Variants in EPHB4 observed in about 807,000 individuals in gnomAD.
EPHB4 encodes ephrin type-B receptor 4.
Under a neutral mutation model 110.6 loss-of-function variants are expected in EPHB4, and 50 were observed. The observed-to-expected ratio is 0.45, with a 90% CI of 0.36 to 0.57. The LOEUF (loss-of-function observed/expected upper bound fraction) is 0.57, where lower values mean the gene tolerates loss of function less well. Among genes scored for constraint, EPHB4 ranks in the 20% least tolerant of loss-of-function variants. The pLI is 0.00. For synonymous variants in EPHB4, 592 were observed against 578.4 expected (o/e 1.02, Z -0.34); for missense variants, 1,128 against 1,382.1 (o/e 0.82, Z 2.91).
At position 100,826,313 on chromosome 7, in the gene EPHB4, G is replaced by A. The variant is rs1813394840; in HGVS notation, c.52+666C>T. On this transcript the variant is annotated intron_variant, in intron 1 of 16. Coordinates refer to ENST00000358173, the MANE Select transcript of EPHB4 (RefSeq NM_004444.5). ...GGGCTGTGTAGGTCAGTTTCTACCC[G>A]CTCCTAGGTCTCAAGGGAAGCCCGG... Among the ~76,000 whole-genome samples the A allele has an allele frequency of 2.0e-5, 3 of 151,984 alleles. No individual in the cohort carries two copies. In the South Asian group the frequency reaches 6.2e-4, roughly 32 times the overall value.
At chr7:100,803,780 G>A (rs933805034) in intron 16 of EPHB4, among the ~76,000 whole-genome samples, 190 bp from the exon 17 acceptor site, 1 of 152,178 alleles carries the variant, frequency 6.6e-6, no homozygotes. Flanking sequence ...CTGTGCAACC[G>A]CAGAAGGGGG....
At chr7:100,819,158 G>A (rs1813156365) in intron 6 of EPHB4, among the ~76,000 whole-genome samples, 1 of 152,092 alleles carries the variant, frequency 6.6e-6, no homozygotes, top group Non-Finnish European at 1.5e-5. Context: ...TGTCACCCAG[G>A]CTGGCATGCA....
intron 1 of EPHB4, 21 bp downstream of exon 1, chr7:100,826,958 C>G (rs779262095): frequency 1.3e-6 from 2 of 1,539,816 alleles, no homozygotes; most frequent in Middle Eastern, 1.7e-4. Flanking sequence ...GGGGTGCGCC[C>G]CCCCCCGCAA....
rs1361315114 is a variant in EPHB4 at position 100,805,330 on chromosome 7, C to A, written c.2679-9G>T. ...GGAGAGGGTGTGAGGCCCTAGGGGGCAAGGATGGGGAGGAATGCTGAGTAC... is the reference window on the plus strand; with the variant it reads ...GGAGAGGGTGTGAGGCCCTAGGGGGAAAGGATGGGGAGGAATGCTGAGTAC... On this transcript the variant is annotated splice_polypyrimidine_tract_variant and intron_variant, in intron 15 of 16. Coordinates refer to ENST00000358173, the MANE Select transcript of EPHB4 (RefSeq NM_004444.5). 1 of 1,613,620 alleles carries A rather than the reference C, an allele frequency of 6.2e-7. No individual in the cohort carries two copies. Among genetic ancestry groups the A allele is most frequent in the East Asian group, 2.2e-5 (1 of 44,872 alleles).
intron 6 of EPHB4, 96 bp from the exon 7 acceptor site, chr7:100,818,740 T>C (rs1813146898): frequency 2.1e-6 from 3 of 1,426,504 alleles, no homozygotes; most frequent in East Asian, 2.5e-5. Flanking sequence ...TCGTGCTCTA[T>C]CACCCAGGCT....
rs763266038 is a variant in EPHB4, at chr7:100,803,167, G to T, written c.*294C>A. The T allele has an allele frequency of 7.0e-5, 17 of 243,626 alleles. No individual in the cohort carries two copies. Among genetic ancestry groups the T allele is most frequent in the Non-Finnish European group, 1.2e-4 (15 of 127,146 alleles). 15.1% of individuals were successfully genotyped at this position (243,626 alleles called of 1,614,324 possible). A position where few individuals can be genotyped will look rare whatever the true frequency, so the allele number is the denominator to read the frequency against. ...GGGAACGCACCCATCAAGGTGAGGG[G>T]GGCACCTGGGGAGGCTGGGAGATGT... On this transcript the variant is annotated 3_prime_UTR_variant, in exon 17 of 17. Transcript: ENST00000358173.
intron 12 of EPHB4, among the ~76,000 whole-genome samples, chr7:100,809,784 G>A (rs1446476036): frequency 6.6e-6 from 1 of 152,206 alleles, no homozygotes; most frequent in East Asian, 1.9e-4. Context: ...AAAGTGCTGG[G>A]ATTACAGGTG....
In EPHB4 at chr7:100,826,795, C is replaced by G. The variant is rs1813409820; in HGVS notation, c.52+184G>C. On this transcript the variant is annotated intron_variant, in intron 1 of 16. Transcript: ENST00000358173. ...TCTCTTTCCCAAACAAAAGAAAACT[C>G]CACTACCCGTCGGGCGCCTCTTCCC... 6 of 612,226 alleles carry G rather than the reference C, an allele frequency of 9.8e-6. No individual in the cohort carries two copies. In the Admixed American group the frequency reaches 1.9e-4, roughly 19 times the overall value. 37.9% of individuals were successfully genotyped at this position (612,226 alleles called of 1,614,324 possible).
In EPHB4 at chr7:100,818,391, C is replaced by T. The variant is rs1463949799; in HGVS notation, c.1422+129G>A. On this transcript the variant is annotated intron_variant, in intron 7 of 16. Transcript: ENST00000358173. The stretch of plus-strand genomic sequence containing the variant: ...GCTCAGACAGGCCAAGGGGCTTACC[C>T]AAGGCTGCCCAGGGAATCCATGGCA... The T allele has an allele frequency of 3.8e-5, 54 of 1,439,982 alleles. No homozygotes were observed. In the South Asian group the frequency reaches 6.5e-4, roughly 17 times the overall value. 89.2% of individuals were successfully genotyped at this position (1,439,982 alleles called of 1,614,324 possible).
chr7:100,807,524 G>A lies in EPHB4; in HGVS notation c.2175C>T (p.Ala725=). The change falls in exon 13 of 17, where the codon GCC becomes GCT. Residue 725 remains alanine (A), a synonymous_variant. Coordinates refer to ENST00000358173, the MANE Select transcript of EPHB4 (RefSeq NM_004444.5). ...IQLVGMLRGI[A]SGMRYLAEMS... The stretch of plus-strand genomic sequence containing the variant: ...TCTCGGCAAGGTACCGCATGCCCGA[G>A]GCGATGCCCCGCAGCATGCCCACGA... 2 of 1,614,186 alleles carry A rather than the reference G, an allele frequency of 1.2e-6. No individual in the cohort carries two copies. The highest frequency in any genetic ancestry group is 1.7e-6 in the Non-Finnish European group (2 of 1,180,030).
chr7:100,817,530 T>A lies in EPHB4; in HGVS notation c.1423-173A>T, dbSNP rs74491853. Among the ~76,000 whole-genome samples, 2,967 of 152,202 alleles carry A rather than the reference T, an allele frequency of 0.019. 45 individuals are homozygous for A. Among genetic ancestry groups the A allele is most frequent in the Non-Finnish European group, 0.027 (1,809 of 67,992 alleles). On this transcript the variant is annotated intron_variant, in intron 7 of 16. Transcript: ENST00000358173. ...GTGCTGTATTCATAATATCATTCCT[T>A]TTTTTTAAGACAAGGTCTCACTTTC...
chr7:100,823,567 G>A (rs754759586), intron 3 of EPHB4, 77 bp downstream of exon 3: 229 of 1,548,970 alleles, frequency 1.5e-4, no homozygotes, highest in African/African-American at 9.4e-4. Flanking sequence ...CAACTACATC[G>A]GCTGCCCTCC....
chr7:100,824,043 CGAG>C (rs1562974629), intron 2 of EPHB4, 112 bp from the exon 3 acceptor site: 1 of 1,510,466 alleles, frequency 6.6e-7, no homozygotes, highest in African/African-American at 1.4e-5. Flanking sequence ...GCTGGTACTG[CGAG>C]GAGGGCGCCT....
chr7:100,806,695 C>T (rs941423784), intron 13 of EPHB4, 126 bp from the exon 14 acceptor site: 1 of 1,138,280 alleles, frequency 8.8e-7, no homozygotes, highest in Non-Finnish European at 1.2e-6. Flanking sequence ...AAGCCTCCTA[C>T]TCTCCAACTC....
At chr7:100,809,970 C>T (rs1231632431) in intron 12 of EPHB4, among the ~76,000 whole-genome samples, 2 of 152,110 alleles carry the variant, frequency 1.3e-5, no homozygotes, top group Non-Finnish European at 2.9e-5. Flanking sequence ...AAAAATTAGC[C>T]GGGCATAGTG....
chr7:100,818,726 G>A (rs534721938), intron 6 of EPHB4, 82 bp from the exon 7 acceptor site: 63 of 1,471,096 alleles, frequency 4.3e-5, no homozygotes, highest in African/African-American at 4.1e-4. Context: ...TTTTCGAGAC[G>A]GAGTCGTGCT....
At chr7:100,813,556 T>C in intron 10 of EPHB4, 96 bp downstream of exon 10, 2 of 1,337,516 alleles carry the variant, frequency 1.5e-6, no homozygotes, top group Non-Finnish European at 2.1e-6. Flanking sequence ...CCTCAAGTGA[T>C]CTGCCCACCT....
chr7:100,806,659 TG>T, intron 13 of EPHB4, 90 bp from the exon 14 acceptor site: 1 of 1,465,480 alleles, frequency 6.8e-7, no homozygotes, highest in Admixed American at 2.1e-5. Context: ...CACCTGCCTC[TG>T]CTTTTTCCCC....
Position 100,823,479 on chromosome 7 carries a change from G to A in EPHB4, c.411+165C>T, listed in dbSNP as rs73172605. Among the ~76,000 whole-genome samples, 13,896 of 152,156 alleles carry A rather than the reference G, an allele frequency of 0.091. 701 individuals carry two copies. Among genetic ancestry groups the A allele is most frequent in the African/African-American group, 0.13 (5,581 of 41,496 alleles). ...CAGCCCCCGTATATTCTGCTCCTCCGCCCAGAAGATCACCCCCTTCCCTCC... is the reference window on the plus strand; with the variant it reads ...CAGCCCCCGTATATTCTGCTCCTCCACCCAGAAGATCACCCCCTTCCCTCC... On this transcript the variant is annotated intron_variant, in intron 3 of 16. Transcript: ENST00000358173.
Sources: allele counts gnomAD v4.1 joint callset (sites outside exome capture counted in the v4.1 genomes callset), GRCh38; gene constraint gnomAD v4.1.1; transcripts MANE v1.5; gene names NCBI Gene and HGNC (gene_info 2026-07-23, HGNC 2026-07-21).